The following B4GALT1 variants were observed in gnomAD, a reference collection of about 807,000 sequenced individuals.
B4GALT1 encodes beta-1,4-galactosyltransferase 1.
In B4GALT1, 16 loss-of-function variants were observed where a neutral mutation model predicts 34.9. The observed-to-expected ratio is 0.46, with a 90% CI of 0.31 to 0.70. The LOEUF is 0.70. Among genes scored for constraint, B4GALT1 ranks in the 30% least tolerant of loss-of-function variants. The pLI, the probability that B4GALT1 is intolerant of heterozygous loss-of-function variation, is 0.05. For synonymous variants in B4GALT1, 221 were observed against 218.1 expected, an observed-to-expected ratio of 1.01 and a Z score of -0.12; for missense variants, 445 against 530.5, an observed-to-expected ratio of 0.84 and a Z score of 1.58.
At chr9:33,129,819 G>A (rs1840166933) in intron 2 of B4GALT1, among the ~76,000 whole-genome samples, 1 of 152,130 alleles carries the variant, frequency 6.6e-6, no homozygotes, top group African/African-American at 2.4e-5. Context: ...GAACACAGGG[G>A]ACAGCATAAG....
chr9:33,170,109 A>G (rs1840826568), upstream of B4GALT1, among the ~76,000 whole-genome samples: 1 of 151,390 alleles, frequency 6.6e-6, no homozygotes, highest in Non-Finnish European at 1.5e-5. Context: ...AGCTGGGACT[A>G]CAGGTGCCTG....
At chr9:33,180,622 A>G in the B4GALT1 span, among the ~76,000 whole-genome samples, 2 of 152,180 alleles carry the variant, frequency 1.3e-5, no homozygotes, top group Non-Finnish European at 2.9e-5. Flanking sequence ...AGGACCGTTC[A>G]TGCTGCTGCT....
chr9:33,165,433 G>A (rs977239957), intron 1 of B4GALT1, among the ~76,000 whole-genome samples: 13 of 152,166 alleles, frequency 8.5e-5, no homozygotes, highest in Non-Finnish European at 7.3e-5. Flanking sequence ...CATTTTATGG[G>A]ACTAGTCTGC....
chr9:33,126,626 C>G (rs1840104815), intron 2 of B4GALT1, among the ~76,000 whole-genome samples: 1 of 152,238 alleles, frequency 6.6e-6, no homozygotes, highest in Non-Finnish European at 1.5e-5. Context: ...CCATAGTTAA[C>G]CATTGTTAAC....
At chr9:33,176,912 A>T in the B4GALT1 span, among the ~76,000 whole-genome samples, 5 of 152,316 alleles carry the variant, frequency 3.3e-5, no homozygotes, top group South Asian at 1.0e-3. Context: ...AAAATAACTA[A>T]TATAACATTT....
At chr9:33,147,242 ATTC>A (rs1356138541) in intron 1 of B4GALT1, among the ~76,000 whole-genome samples, 3 of 134,002 alleles carry the variant, frequency 2.2e-5, no homozygotes, top group Non-Finnish European at 4.6e-5. Flanking sequence ...AAGACAAGTC[ATTC>A]TTTTTTTTTT....
In B4GALT1 at chr9:33,166,839, C is replaced by A; in HGVS notation, c.331G>T (p.Ala111Ser). Residue 111 changes from alanine to serine, a missense_variant, in exon 1 of 6, where the codon GCT becomes TCT. Physicochemically the swap from Ala to Ser is moderately conservative, Grantham distance 99 (BLOSUM62 1). Around this residue, in one of 3 missense-constraint regions of B4GALT1, gnomAD observed 349 missense variants for 395.5 expected, o/e 0.88. Transcript: ENST00000379731. Reference protein sequence around the residue: ...SPVVDSGPGPASNLTSVPVPH... With the variant: ...SPVVDSGPGPSSNLTSVPVPH... ...ACTGGGACCGAGGTCAAGTTGCTAGCGGGGCCAGGGCCAGAATCCACGACT... is the reference window on the plus strand; with the variant it reads ...ACTGGGACCGAGGTCAAGTTGCTAGAGGGGCCAGGGCCAGAATCCACGACT... 1.3e-6 allele frequency: 2 copies of A among 1,555,922 alleles called. No homozygotes were observed. Among genetic ancestry groups the A allele is most frequent in the Non-Finnish European group, 1.7e-6 (2 of 1,157,070 alleles).
intron 1 of B4GALT1, among the ~76,000 whole-genome samples, chr9:33,149,930 A>C (rs1840485819): frequency 6.6e-6 from 1 of 152,196 alleles, no homozygotes; most frequent in Non-Finnish European, 1.5e-5. Flanking sequence ...AACTGAATAC[A>C]ACACATGGTT....
At chr9:33,122,662 C>T (rs2118067978) in intron 2 of B4GALT1, among the ~76,000 whole-genome samples, 1 of 152,232 alleles carries the variant, frequency 6.6e-6, no homozygotes, top group South Asian at 2.1e-4. Context: ...AGAGAGGCAC[C>T]AGAAAGAGAA....
intron 1 of B4GALT1, among the ~76,000 whole-genome samples, chr9:33,160,225 T>C (rs1840654695): frequency 6.6e-6 from 1 of 151,778 alleles, no homozygotes; most frequent in African/African-American, 2.4e-5. Flanking sequence ...AAAAAGTACA[T>C]AAAGCTTTCT....
chr9:33,123,277 C>A (rs1485094977), intron 2 of B4GALT1, among the ~76,000 whole-genome samples: 220 of 85,714 alleles, frequency 2.6e-3, no homozygotes, highest in African/African-American at 4.9e-3. Context: ...GACACTGTCT[C>A]AAAAAAAAAA....
chr9:33,147,050 GAGGA>G (rs1840436374), intron 1 of B4GALT1, among the ~76,000 whole-genome samples: 2 of 152,090 alleles, frequency 1.3e-5, no homozygotes, highest in South Asian at 4.1e-4. Flanking sequence ...GGAATCACAG[GAGGA>G]AGGAATTACA....
chr9:33,184,414 C>T, the B4GALT1 span, among the ~76,000 whole-genome samples: 2 of 152,172 alleles, frequency 1.3e-5, no homozygotes, highest in Non-Finnish European at 2.9e-5. Flanking sequence ...CAACCACTAT[C>T]CTGAGCTTAA....
At chr9:33,138,337 T>G (rs896091165) in intron 1 of B4GALT1, among the ~76,000 whole-genome samples, 3 of 152,158 alleles carry the variant, frequency 2.0e-5, no homozygotes, top group African/African-American at 7.2e-5. Context: ...GTTTCCTCAT[T>G]TGTAAACTGC....
In B4GALT1 at chr9:33,111,250, C is replaced by CAAAAAAA. The variant is rs751351046; in HGVS notation, c.*2197_*2203dup. 9.6e-4 allele frequency: 47 copies of CAAAAAAA among 48,850 alleles called. No individual in the cohort carries two copies. The highest frequency in any genetic ancestry group is 1.8e-3 in the African/African-American group (15 of 8,414). 3.0% of individuals were successfully genotyped at this position (48,850 alleles called of 1,614,324 possible). A position where few individuals can be genotyped will look rare whatever the true frequency, so the allele number is the denominator to read the frequency against. ...TACTTGACATGAATGAGAAGGTAAC[C>CAAAAAAA]AAAAAAAAAAAAAAAAAAAAAAAAA... is the stretch of plus-strand genomic sequence containing the variant. On this transcript the variant is annotated 3_prime_UTR_variant, in exon 6 of 6. Coordinates refer to ENST00000379731, the MANE Select transcript of B4GALT1 (RefSeq NM_001497.4).
chr9:33,138,188 G>C (rs1840298752), intron 1 of B4GALT1, among the ~76,000 whole-genome samples: 1 of 152,340 alleles, frequency 6.6e-6, no homozygotes, highest in East Asian at 1.9e-4. Flanking sequence ...CCCATCATGG[G>C]TTTCAGAAAG....
chr9:33,172,122 A>G (rs1310655974), upstream of B4GALT1, among the ~76,000 whole-genome samples: 1 of 152,068 alleles, frequency 6.6e-6, no homozygotes, highest in African/African-American at 2.4e-5. Flanking sequence ...TTTTTGAGAA[A>G]AGAAAAGCTT....
rs1438453132 is a variant in B4GALT1, at chr9:33,166,947, C to G, written c.223G>C (p.Gly75Arg). The G allele has an allele frequency of 4.4e-6, 7 of 1,574,698 alleles. No homozygotes were observed. Among genetic ancestry groups the G allele is most frequent in the Non-Finnish European group, 6.0e-6 (7 of 1,167,550 alleles). Residue 75 changes from glycine (G) to arginine (R), a missense_variant, in exon 1 of 6, where the codon GGG becomes CGG. Around this residue, in one of 3 missense-constraint regions of B4GALT1, gnomAD observed 349 missense variants for 395.5 expected, o/e 0.88. Coordinates refer to ENST00000379731, the MANE Select transcript of B4GALT1 (RefSeq NM_001497.4). Reference sequence around the variant, plus strand: ...CGGGCCCCTCCGGTCCGGAGCTCCCCGGAGGACTGCCCGATGGCGGCGGCA... The same window carrying G: ...CGGGCCCCTCCGGTCCGGAGCTCCCGGGAGGACTGCCCGATGGCGGCGGCA... ...NSAAAIGQSSGELRTGGARPP... is the reference protein window; with the variant it reads ...NSAAAIGQSSRELRTGGARPP...
upstream of B4GALT1, among the ~76,000 whole-genome samples, chr9:33,171,235 C>T (rs1840837818): frequency 6.6e-6 from 1 of 152,218 alleles, no homozygotes; most frequent in Admixed American, 6.5e-5. Flanking sequence ...TCAGCTGAGG[C>T]ACTGGCACAG....
Sources: allele counts gnomAD v4.1 joint callset (sites outside exome capture counted in the v4.1 genomes callset), GRCh38; gene constraint gnomAD v4.1.1; regional missense constraint gnomAD v4.1.1; transcripts MANE v1.5; gene names NCBI Gene and HGNC (gene_info 2026-07-23, HGNC 2026-07-21).